Variants in ITGA4 observed in about 807,000 individuals in gnomAD.
The protein encoded by ITGA4 is integrin alpha-4.
ITGA4 carries 63 observed loss-of-function variants against 133.6 expected under a neutral mutation model. The observed-to-expected ratio is 0.47, with a 90% CI of 0.38 to 0.58. The LOEUF (loss-of-function observed/expected upper bound fraction) is 0.58. ITGA4 is among the 20% of genes least tolerant of loss of function. The pLI is 0.00. For missense variants in ITGA4, 1,076 were observed against 1,252.7 expected (o/e 0.86, Z 2.13); for synonymous variants, 483 against 438.0 (o/e 1.10, Z -1.28).
At chr2:181,493,181 A>AT (rs774198088) in intron 10 of ITGA4, 144 bp from the exon 11 acceptor site, 14 of 594,498 alleles carry the variant, frequency 2.4e-5, no homozygotes, top group Non-Finnish European at 3.3e-5. Flanking sequence ...ATAGTATTTT[A>AT]TTTTTTTCTG....
Position 181,523,114 on chromosome 2 carries a change from A to C in ITGA4, c.2074-323A>C, listed in dbSNP as rs904353830. ...GATAAATGAAAGCTACAAGTCCAGAATTTTTTTTTTGTGGAGAATCTGTTT... is the reference window on the plus strand; with the variant it reads ...GATAAATGAAAGCTACAAGTCCAGACTTTTTTTTTTGTGGAGAATCTGTTT... On this transcript the variant is annotated intron_variant, in intron 18 of 27. Coordinates refer to ENST00000397033, the MANE Select transcript of ITGA4 (RefSeq NM_000885.6). This position sits in a 1 kb window ranked among gnomAD's most constrained non-coding sequence, Gnocchi z 4.2. Among the ~76,000 whole-genome samples the C allele has an allele frequency of 2.0e-5, 3 of 149,390 alleles. No homozygotes were observed. Among genetic ancestry groups the C allele is most frequent in the Non-Finnish European group, 4.5e-5 (3 of 67,084 alleles).
At position 181,522,319 on chromosome 2, in the gene ITGA4, A is replaced by G; in HGVS notation, c.2051A>G (p.Tyr684Cys). The G allele has an allele frequency of 6.2e-7, 1 of 1,605,498 alleles. No homozygotes were observed. Among genetic ancestry groups the G allele is most frequent in the South Asian group, 1.1e-5 (1 of 89,372 alleles). The change falls in exon 18 of 28, where the codon TAT (tyrosine) becomes TGT (cysteine). Residue 684 changes from tyrosine to cysteine, a missense_variant. This residue lies in a region of ITGA4 where 365 missense variants were observed against 421.4 expected (regional missense o/e 0.87). Coordinates refer to ENST00000397033, the MANE Select transcript of ITGA4 (RefSeq NM_000885.6). ...CATGTCAAACTACCCGTGGGTCTTT[A>G]TTTCATTAAGATTTTAGAGCTGGTA... ...TLHVKLPVGL[Y>C]FIKILELEEK...
At chr2:181,481,575 A>G (rs202083263) in intron 6 of ITGA4, 23 bp from the exon 7 acceptor site, 1 of 1,419,802 alleles carries the variant, frequency 7.0e-7, no homozygotes, top group Non-Finnish European at 9.9e-7. Flanking sequence ...CAGGACTCTC[A>G]TACTTTCTCC....
chr2:181,536,795 C>T lies in ITGA4; in HGVS notation c.*1268C>T. 3 of 261,206 alleles carry T rather than the reference C, an allele frequency of 1.1e-5. No homozygotes were observed. The highest frequency in any genetic ancestry group is 2.3e-5 in the Non-Finnish European group (3 of 130,292). 16.2% of individuals were successfully genotyped at this position (261,206 alleles called of 1,614,324 possible). On this transcript the variant is annotated 3_prime_UTR_variant, in exon 28 of 28. Transcript: ENST00000397033. ...TCATTTTTGTAATATTTATTTTATG[C>T]TTATGATCTAGATAATTGCAGAATA...
At chr2:181,507,437 T>C (rs1686416188) in intron 15 of ITGA4, among the ~76,000 whole-genome samples, 1 of 152,124 alleles carries the variant, frequency 6.6e-6, no homozygotes. Context: ...AAGTCTGTTT[T>C]GTTGAGTACC....
In ITGA4 at chr2:181,537,760, A is replaced by G; in HGVS notation, c.*2233A>G. Reference sequence around the variant, plus strand: ...ATTGTAAAAAAAAGAATTTGAATTGATATCTAAAAACAGAATTTGAATTGA... The same window carrying G: ...ATTGTAAAAAAAAGAATTTGAATTGGTATCTAAAAACAGAATTTGAATTGA... On this transcript the variant is annotated 3_prime_UTR_variant, in exon 28 of 28. Transcript: ENST00000397033. The G allele has an allele frequency of 2.2e-6, 1 of 446,522 alleles. No homozygotes were observed. Among genetic ancestry groups the G allele is most frequent in the African/African-American group, 2.0e-5 (1 of 49,634 alleles). 27.7% of individuals were successfully genotyped at this position (446,522 alleles called of 1,614,324 possible). A position where few individuals can be genotyped will look rare whatever the true frequency, so the allele number is the denominator to read the frequency against.
At chr2:181,530,713 C>G in intron 24 of ITGA4, 64 bp downstream of exon 24, 1 of 1,463,988 alleles carries the variant, frequency 6.8e-7, no homozygotes, top group South Asian at 1.2e-5. Context: ...CACTTAAAAT[C>G]AAGTCAATGG....
At chr2:181,508,695 A>G (rs1686442490) in intron 15 of ITGA4, among the ~76,000 whole-genome samples, 1 of 144,450 alleles carries the variant, frequency 6.9e-6, no homozygotes. Flanking sequence ...GACTGACTCA[A>G]AAACGAAAAA....
chr2:181,509,132 T>C (rs1268185813), intron 15 of ITGA4, among the ~76,000 whole-genome samples: 1 of 90,082 alleles, frequency 1.1e-5, no homozygotes, highest in African/African-American at 4.6e-5. Context: ...ACATCCCATC[T>C]CTTAAAAAAA....
intron 2 of ITGA4, among the ~76,000 whole-genome samples, chr2:181,470,266 G>GA (rs1355858995): frequency 3.3e-5 from 5 of 150,646 alleles, no homozygotes; most frequent in Admixed American, 6.6e-5. Flanking sequence ...TGTCAAAGAG[G>GA]AAAAAAAATA....
rs1400629432 is a variant in ITGA4 at position 181,457,768 on chromosome 2, TGA to T, written c.118_119del (p.Ser40ArgfsTer68). 6.2e-7 allele frequency: 1 copy of T among 1,613,496 alleles called. No homozygotes were observed. On this transcript the variant is annotated frameshift_variant, in exon 1 of 28. Transcript: ENST00000397033. LOFTEE classifies it high-confidence loss of function. ...PTGRPYNVDT[E>X]SALLYQGPHN... ...CCGGCCGCCCCTACAACGTGGACAC[TGA>T]GAGCGCGCTGCTTTACCAGGGCCCC...
chr2:181,536,272 T>TCTTC lies in ITGA4; in HGVS notation c.*748_*751dup, dbSNP rs2105777443. 1 of 152,122 alleles carries TCTTC rather than the reference T, an allele frequency of 6.6e-6. No homozygotes were observed. Among genetic ancestry groups the TCTTC allele is most frequent in the East Asian group, 1.9e-4 (1 of 5,164 alleles). 9.4% of individuals were successfully genotyped at this position (152,122 alleles called of 1,614,324 possible). ...TTTTATGTAGGTATATATTTACCAT[T>TCTTC]CTTCCTATCTATTCTTCCTATAACA... On this transcript the variant is annotated 3_prime_UTR_variant, in exon 28 of 28. Coordinates refer to ENST00000397033, the MANE Select transcript of ITGA4 (RefSeq NM_000885.6).
rs1559057060 is a variant in ITGA4, at chr2:181,527,398, T to C, written c.2430+11T>C. ...AACTTAACTTTCCATGTAAGAAAAG[T>C]TAATTGTGTTAATATTTGTAACAAC... is the stretch of plus-strand genomic sequence containing the variant. On this transcript the variant is annotated intron_variant, in intron 22 of 27. Transcript: ENST00000397033. 1 of 1,532,732 alleles carries C rather than the reference T, an allele frequency of 6.5e-7. No homozygotes were observed. Among genetic ancestry groups the C allele is most frequent in the East Asian group, 2.3e-5 (1 of 44,304 alleles). 94.9% of individuals were successfully genotyped at this position (1,532,732 alleles called of 1,614,324 possible).
At chr2:181,462,219 C>T (rs997645923) in intron 2 of ITGA4, among the ~76,000 whole-genome samples, 1 of 152,102 alleles carries the variant, frequency 6.6e-6, no homozygotes, top group Non-Finnish European at 1.5e-5. Context: ...CTTTTCTAGA[C>T]TAAGTGTTCT....
intron 15 of ITGA4, among the ~76,000 whole-genome samples, chr2:181,508,223 A>G (rs989786799): frequency 6.6e-6 from 1 of 152,120 alleles, no homozygotes; most frequent in Non-Finnish European, 1.5e-5. Flanking sequence ...TTGAAAAAAA[A>G]AACTTGTGAC....
At chr2:181,486,466 C>T (rs1338674165) in intron 10 of ITGA4, among the ~76,000 whole-genome samples, 1 of 152,170 alleles carries the variant, frequency 6.6e-6, no homozygotes, top group Non-Finnish European at 1.5e-5. Flanking sequence ...TCTGGAAGCC[C>T]CTGCTCTGCC....
chr2:181,486,037 T>A, intron 10 of ITGA4, 45 bp downstream of exon 10: 1 of 1,553,022 alleles, frequency 6.4e-7, no homozygotes, highest in Non-Finnish European at 8.7e-7. Flanking sequence ...GCTTTTAAAA[T>A]GGTTTATGGA....
At chr2:181,484,300 G>C (rs1470059290) in intron 9 of ITGA4, among the ~76,000 whole-genome samples, 1 of 152,140 alleles carries the variant, frequency 6.6e-6, no homozygotes, top group Non-Finnish European at 1.5e-5. Context: ...CTGCCTACTT[G>C]TACTAAAATA....
At chr2:181,488,270 C>T (rs1027743589) in intron 10 of ITGA4, among the ~76,000 whole-genome samples, 4 of 152,098 alleles carry the variant, frequency 2.6e-5, no homozygotes, top group African/African-American at 4.8e-5. Flanking sequence ...AAGAGGACTT[C>T]GGAGGTGACT....
Sources: gnomAD v4.1 joint callset for allele counts (sites outside exome capture counted in the v4.1 genomes callset) on GRCh38, gnomAD v4.1.1 for gene constraint, gnomAD v4.1.1 regional missense constraint, Gnocchi (gnomAD v3.1) non-coding constraint, MANE v1.5 for transcripts, NCBI Gene and HGNC (gene_info 2026-07-23, HGNC 2026-07-21) for gene names.